Variants in ADAM17 observed in about 807,000 individuals in gnomAD.
ADAM17 encodes the protein ADAM metallopeptidase domain 17, also known as disintegrin and metalloproteinase domain-containing protein 17.
Under a neutral mutation model 96.7 loss-of-function variants are expected in ADAM17, and 39 were observed. The observed-to-expected ratio is 0.40, with a 90% CI of 0.31 to 0.53. ADAM17 has a LOEUF of 0.53. ADAM17 is among the 20% of genes least tolerant of loss of function. The pLI, the probability that ADAM17 is intolerant of heterozygous loss-of-function variation, is 0.44. For missense variants in ADAM17, 777 were observed against 1,013.2 expected (o/e 0.77, Z 3.17); for synonymous variants, 344 against 359.2 (o/e 0.96, Z 0.48).
At chr2:9,512,722 G>A (rs942728938) in intron 10 of ADAM17, among the ~76,000 whole-genome samples, 4 of 152,210 alleles carry the variant, frequency 2.6e-5, no homozygotes, top group South Asian at 2.1e-4. Context: ...CCACTCAGTC[G>A]GTTAGTATGA....
chr2:9,492,544 T>G lies in ADAM17; in HGVS notation c.2082+354A>C, dbSNP rs1345206154. ...TGGGGAACATCTGAAATGCCGATGT[T>G]TGATATTTGCTCTATTGCAACGAAG... On this transcript the variant is annotated intron_variant, in intron 17 of 18. Transcript: ENST00000310823. 3.9e-5 allele frequency among the ~76,000 whole-genome samples: 6 copies of G among 152,330 alleles called. No individual in the cohort carries two copies. In the South Asian group the frequency reaches 1.2e-3, roughly 32 times the overall value.
chr2:9,536,275 A>T (rs1664955471), intron 3 of ADAM17, among the ~76,000 whole-genome samples: 1 of 151,372 alleles, frequency 6.6e-6, no homozygotes, highest in Non-Finnish European at 1.5e-5. Context: ...TTTCAATGAC[A>T]TTTTTTTTTC....
intron 16 of ADAM17, among the ~76,000 whole-genome samples, chr2:9,493,349 A>G (rs1242679420): frequency 6.6e-6 from 1 of 152,202 alleles, no homozygotes; most frequent in East Asian, 1.9e-4. Context: ...TGACAACATG[A>G]TATACCCTGC....
In ADAM17 at chr2:9,490,057, A is replaced by C; in HGVS notation, c.*120T>G. 1 of 966,180 alleles carries C rather than the reference A, an allele frequency of 1.0e-6. No individual in the cohort carries two copies. Among genetic ancestry groups the C allele is most frequent in the Non-Finnish European group, 1.5e-6 (1 of 668,810 alleles). 59.9% of individuals were successfully genotyped at this position (966,180 alleles called of 1,614,324 possible). On this transcript the variant is annotated 3_prime_UTR_variant, in exon 19 of 19. Coordinates refer to ENST00000310823, the MANE Select transcript of ADAM17 (RefSeq NM_003183.6). ...CTGTTTACCTGCAGGAAGTTCAAAC[A>C]CATGACCAGCATCTGCTAAGTCACT...
In ADAM17 at chr2:9,530,620, C is replaced by CA. The variant is rs529576742; in HGVS notation, c.451-2667dup. 4.0e-5 allele frequency among the ~76,000 whole-genome samples: 6 copies of CA among 151,366 alleles called. No homozygotes were observed. The South Asian group carries it at 8.3e-4, about 21-fold the overall frequency. On this transcript the variant is annotated intron_variant, in intron 4 of 18. Coordinates refer to ENST00000310823, the MANE Select transcript of ADAM17 (RefSeq NM_003183.6). ...TGGATTGGATCCTGGACTGGAAAAC[C>CA]AAAAAAAATCTACAAAGGAGATTTT...
chr2:9,490,402 T>G lies in ADAM17; in HGVS notation c.2250A>C (p.Ala750=). ...QPAPVIPSAP[A]APKLDHQRMD... is the part of the protein sequence containing the mutation. ...TTCTCTGGTGGTCCAGTTTTGGAGC[T>G]GCTGGCGCCGAAGGGATCACAGGGG... is the stretch of plus-strand genomic sequence containing the variant. The change falls in exon 19 of 19, where the codon GCA becomes GCC. Residue 750 remains alanine, a synonymous_variant. Coordinates refer to ENST00000310823, the MANE Select transcript of ADAM17 (RefSeq NM_003183.6). The G allele has an allele frequency of 1.9e-6, 3 of 1,614,112 alleles. No homozygotes were observed. The highest frequency in any genetic ancestry group is 2.5e-6 in the Non-Finnish European group (3 of 1,180,032).
At chr2:9,501,921 G>A (rs1663029460) in intron 13 of ADAM17, among the ~76,000 whole-genome samples, 1 of 151,906 alleles carries the variant, frequency 6.6e-6, no homozygotes, top group Non-Finnish European at 1.5e-5. Flanking sequence ...CACATATCCA[G>A]GCAAATATTA....
In ADAM17 at chr2:9,527,770, A is replaced by G; in HGVS notation, c.619+16T>C. 6.8e-7 allele frequency: 1 copy of G among 1,481,322 alleles called. No homozygotes were observed. Among genetic ancestry groups the G allele is most frequent in the Non-Finnish European group, 9.0e-7 (1 of 1,113,820 alleles). 91.8% of individuals were successfully genotyped at this position (1,481,322 alleles called of 1,614,324 possible). A position where few individuals can be genotyped will look rare whatever the true frequency, so the allele number is the denominator to read the frequency against. On this transcript the variant is annotated intron_variant, in intron 5 of 18. Transcript: ENST00000310823. ...TATGTTTGTTTCTTATTTGAAATAC[A>G]CTCTTTAAGTCTTACCTTCAGGTGG...
chr2:9,555,685 GAGGA>G lies in ADAM17; in HGVS notation c.-84_-81del. The G allele has an allele frequency of 8.1e-7, 1 of 1,233,042 alleles. No individual in the cohort carries two copies. Among genetic ancestry groups the G allele is most frequent in the Non-Finnish European group, 1.1e-6 (1 of 900,310 alleles). 76.4% of individuals were successfully genotyped at this position (1,233,042 alleles called of 1,614,324 possible). A position where few individuals can be genotyped will look rare whatever the true frequency, so the allele number is the denominator to read the frequency against. On this transcript the variant is annotated 5_prime_UTR_variant, in exon 1 of 19. Coordinates refer to ENST00000310823, the MANE Select transcript of ADAM17 (RefSeq NM_003183.6). ...TTTCGGAAAACTGCTCACATCGGGG[GAGGA>G]CGGGATCCGCCCGGCCTAGCCCCTC...
chr2:9,500,154 T>G (rs950511453), intron 13 of ADAM17, among the ~76,000 whole-genome samples: 2 of 152,180 alleles, frequency 1.3e-5, no homozygotes, highest in Non-Finnish European at 2.9e-5. Flanking sequence ...CAAATGTCTA[T>G]CAACCAATGA....
chr2:9,545,175 G>T (rs559370110), intron 1 of ADAM17, among the ~76,000 whole-genome samples: 32 of 152,270 alleles, frequency 2.1e-4, no homozygotes, highest in African/African-American at 7.7e-4. Context: ...AAATGCTCAG[G>T]TCTCCCCTCA....
At chr2:9,517,848 G>A in intron 10 of ADAM17, 53 bp downstream of exon 10, 2 of 1,211,316 alleles carry the variant, frequency 1.7e-6, no homozygotes, top group Non-Finnish European at 1.1e-6. Context: ...ATATAACTGA[G>A]GTTCTACTAC....
intron 10 of ADAM17, among the ~76,000 whole-genome samples, chr2:9,510,791 C>G (rs1464402889): frequency 6.6e-6 from 1 of 152,090 alleles, no homozygotes; most frequent in Non-Finnish European, 1.5e-5. Flanking sequence ...ATGATCACAC[C>G]ACTGCACTCC....
At chr2:9,530,937 T>G (rs1186801514) in intron 4 of ADAM17, among the ~76,000 whole-genome samples, 2 of 152,214 alleles carry the variant, frequency 1.3e-5, no homozygotes, top group East Asian at 3.9e-4. Context: ...CTTTTTAATC[T>G]TTCTGTAGAT....
chr2:9,549,841 CTTTTA>C (rs1222429620), intron 1 of ADAM17, among the ~76,000 whole-genome samples: 1 of 152,052 alleles, frequency 6.6e-6, no homozygotes, highest in Non-Finnish European at 1.5e-5. Context: ...ACATTAATTT[CTTTTA>C]TTTTTTCAGC....
intron 6 of ADAM17, 97 bp downstream of exon 6, chr2:9,526,014 A>G: frequency 1.7e-6 from 2 of 1,148,948 alleles, no homozygotes; most frequent in Non-Finnish European, 2.4e-6. Context: ...TAGGGAAATA[A>G]CAGAGTATCT....
Position 9,490,069 on chromosome 2 carries a change from TCTGCTAAGTCA to T in ADAM17, c.*97_*107del. The T allele has an allele frequency of 9.5e-7, 1 of 1,054,616 alleles. No individual in the cohort carries two copies. Among genetic ancestry groups the T allele is most frequent in the Non-Finnish European group, 1.3e-6 (1 of 745,216 alleles). 65.3% of individuals were successfully genotyped at this position (1,054,616 alleles called of 1,614,324 possible). A position where few individuals can be genotyped will look rare whatever the true frequency, so the allele number is the denominator to read the frequency against. Reference sequence around the variant, plus strand: ...AGGAAGTTCAAACACATGACCAGCATCTGCTAAGTCACTTCCCAGTCTTCACAAAATACAAG... The same window carrying T: ...AGGAAGTTCAAACACATGACCAGCATCTTCCCAGTCTTCACAAAATACAAG... On this transcript the variant is annotated 3_prime_UTR_variant, in exon 19 of 19. Coordinates refer to ENST00000310823, the MANE Select transcript of ADAM17 (RefSeq NM_003183.6).
At chr2:9,532,502 C>T (rs547956815) in intron 4 of ADAM17, among the ~76,000 whole-genome samples, 2 of 152,212 alleles carry the variant, frequency 1.3e-5, no homozygotes, top group African/African-American at 4.8e-5. Flanking sequence ...GATAGGGTCT[C>T]GCTCTGTCAC....
At chr2:9,518,034 A>T (rs1664143491) in intron 9 of ADAM17, 45 bp from the exon 10 acceptor site, 1 of 1,576,308 alleles carries the variant, frequency 6.3e-7, no homozygotes, top group African/African-American at 1.4e-5. Flanking sequence ...TTAAATACAG[A>T]ATTATAATAT....
Sources: allele counts gnomAD v4.1 joint callset (sites outside exome capture counted in the v4.1 genomes callset), GRCh38; gene constraint gnomAD v4.1.1; transcripts MANE v1.5; gene names NCBI Gene and HGNC (gene_info 2026-07-23, HGNC 2026-07-21).